Variants in ADAMDEC1 observed in about 807,000 individuals in gnomAD.
ADAMDEC1 encodes ADAM like decysin 1.
ADAMDEC1 carries 62 observed loss-of-function variants against 60.4 expected under a neutral mutation model. The ratio of observed to expected loss-of-function variants is 1.03; its 90% CI spans 0.84 to 1.27. ADAMDEC1 has a LOEUF of 1.27. Among genes scored for constraint, ADAMDEC1 ranks in the 50% most tolerant of loss-of-function variants. ADAMDEC1 has a pLI of 0.00. For missense variants in ADAMDEC1, 595 were observed against 565.0 expected (o/e 1.05, Z -0.54); for synonymous variants, 210 against 195.1 (o/e 1.08, Z -0.64).
intron 10 of ADAMDEC1, among the ~76,000 whole-genome samples, chr8:24,399,681 A>G (rs1252247662): frequency 6.6e-6 from 1 of 152,174 alleles, no homozygotes; most frequent in Non-Finnish European, 1.5e-5. Flanking sequence ...AACGTGCCAT[A>G]TCATTCTTTA....
intron 8 of ADAMDEC1, 106 bp downstream of exon 8, chr8:24,398,657 A>C (rs1440313451): frequency 2.9e-6 from 3 of 1,017,276 alleles, no homozygotes; most frequent in Non-Finnish European, 4.4e-6. Flanking sequence ...CAAATGTCTT[A>C]AGTTAAATAG....
chr8:24,384,645 G>T, intron 1 of ADAMDEC1, 53 bp downstream of exon 1: 2 of 1,483,482 alleles, frequency 1.3e-6, no homozygotes, highest in Non-Finnish European at 9.2e-7. Context: ...TTTGATGAAT[G>T]TTTAAAGTGC....
chr8:24,399,873 G>C lies in ADAMDEC1; in HGVS notation c.1012-297G>C, dbSNP rs368196033. On this transcript the variant is annotated intron_variant, in intron 10 of 13. Transcript: ENST00000256412. ...AGTGTCATAGGTATCATAGCAATAG[G>C]TTTTGGAGACCTCCGATATGGTGCC... Among the ~76,000 whole-genome samples, 7 of 152,246 alleles carry C rather than the reference G, an allele frequency of 4.6e-5. No individual in the cohort carries two copies. In the East Asian group the frequency reaches 1.4e-3, roughly 29 times the overall value.
In ADAMDEC1 at chr8:24,405,455, G is replaced by T; in HGVS notation, c.*157G>T. On this transcript the variant is annotated 3_prime_UTR_variant, in exon 14 of 14. Transcript: ENST00000256412. ...CAGTCCAGGAAACAGGTAAACAGAT[G>T]TAATTAGAGACATTGGCTCTTTGTT... The T allele has an allele frequency of 2.9e-6, 2 of 693,904 alleles. No individual in the cohort carries two copies. Among genetic ancestry groups the T allele is most frequent in the East Asian group, 6.1e-5 (2 of 32,934 alleles). 43.0% of individuals were successfully genotyped at this position (693,904 alleles called of 1,614,324 possible).
chr8:24,397,771 C>G (rs558384804), intron 7 of ADAMDEC1, 26 bp downstream of exon 7: 1 of 1,604,118 alleles, frequency 6.2e-7, no homozygotes, highest in African/African-American at 1.3e-5. Context: ...ACGGCCCTCT[C>G]GGCCAGTTCA....
intron 10 of ADAMDEC1, 108 bp downstream of exon 10, chr8:24,399,582 C>A: frequency 2.0e-6 from 2 of 977,194 alleles, no homozygotes; most frequent in South Asian, 2.6e-5. Context: ...ATCAATGAAT[C>A]AAGGAAGAAA....
At chr8:24,399,957 T>TA (rs1463089017) in intron 10 of ADAMDEC1, among the ~76,000 whole-genome samples, 1 of 152,210 alleles carries the variant, frequency 6.6e-6, no homozygotes, top group Non-Finnish European at 1.5e-5. Context: ...GGTAACTTAG[T>TA]ATCCATTAGT....
Position 24,392,344 on chromosome 8 carries a change from G to A in ADAMDEC1, c.171G>A (p.Glu57=), listed in dbSNP as rs557827290. The part of the protein sequence containing the change: ...PKKLHILHKR[E]IKNNQTEKHG... The stretch of plus-strand genomic sequence containing the variant: ...AACTTCACATTTTACACAAAAGAGA[G>A]ATCAAGAACAACCAGACAGAAAAGC... The change falls in exon 2 of 14, where the codon GAG becomes GAA. Residue 57 remains glutamate, a synonymous_variant. Transcript: ENST00000256412. 5.6e-6 allele frequency: 9 copies of A among 1,612,074 alleles called. No individual in the cohort carries two copies. In the South Asian group the frequency reaches 7.7e-5, roughly 14 times the overall value.
intron 1 of ADAMDEC1, among the ~76,000 whole-genome samples, chr8:24,389,238 TC>T (rs920786818): frequency 2.6e-5 from 4 of 152,126 alleles, no homozygotes; most frequent in African/African-American, 9.7e-5. Context: ...CCAGAACCTT[TC>T]CCACATATCT....
intron 2 of ADAMDEC1, among the ~76,000 whole-genome samples, chr8:24,392,886 G>GTT (rs34415946): frequency 0.11 from 5,485 of 49,378 alleles, 1,040 homozygotes; most frequent in Non-Finnish European, 0.17. Context: ...GGGTTGAGAG[G>GTT]TTTTTTTTTT....
chr8:24,397,219 T>G, intron 5 of ADAMDEC1, 51 bp from the exon 6 acceptor site: 1 of 1,524,904 alleles, frequency 6.6e-7, no homozygotes, highest in Non-Finnish European at 8.9e-7. Context: ...TGGAAGCAAA[T>G]ATGACACTGT....
intron 1 of ADAMDEC1, among the ~76,000 whole-genome samples, chr8:24,385,049 A>T (rs142480724): frequency 6.6e-6 from 1 of 152,282 alleles, no homozygotes; most frequent in African/African-American, 2.4e-5. Flanking sequence ...GGTCAAAATG[A>T]CTAGTTCTGG....
At chr8:24,391,555 G>A (rs11782767) in intron 1 of ADAMDEC1, among the ~76,000 whole-genome samples, 9,305 of 151,856 alleles carry the variant, frequency 0.061, 397 homozygotes, top group Middle Eastern at 0.095. Flanking sequence ...TCTATGCAAT[G>A]TAATTTCAAG....
chr8:24,398,799 C>T, intron 8 of ADAMDEC1, 75 bp from the exon 9 acceptor site: 1 of 1,441,728 alleles, frequency 6.9e-7, no homozygotes, highest in Non-Finnish European at 9.6e-7. Flanking sequence ...TTATCTATTA[C>T]TTGTGGTCAA....
intron 1 of ADAMDEC1, among the ~76,000 whole-genome samples, chr8:24,388,926 C>A (rs145772229): frequency 6.6e-6 from 1 of 152,232 alleles, no homozygotes; most frequent in East Asian, 1.9e-4. Flanking sequence ...GGTGACAAGA[C>A]AAGACAGATG....
At chr8:24,400,731 G>A (rs1817742663) in intron 11 of ADAMDEC1, among the ~76,000 whole-genome samples, 1 of 151,128 alleles carries the variant, frequency 6.6e-6, no homozygotes, top group African/African-American at 2.4e-5. Flanking sequence ...TTGGTGTGCT[G>A]CACCCATTAA....
chr8:24,396,641 T>C (rs1432161076), intron 5 of ADAMDEC1, among the ~76,000 whole-genome samples: 1 of 152,156 alleles, frequency 6.6e-6, no homozygotes, highest in African/African-American at 2.4e-5. Context: ...TTTCACAGCA[T>C]TGAAATAAAA....
chr8:24,400,550 G>C (rs1240222721), intron 11 of ADAMDEC1, among the ~76,000 whole-genome samples: 1 of 151,564 alleles, frequency 6.6e-6, no homozygotes, highest in Non-Finnish European at 1.5e-5. Context: ...GTAATCTGCT[G>C]ATATATGTTT....
intron 12 of ADAMDEC1, 111 bp downstream of exon 12, chr8:24,402,203 A>G: frequency 1.0e-6 from 1 of 996,856 alleles, no homozygotes; most frequent in South Asian, 1.8e-5. Flanking sequence ...GTAGTTAAAA[A>G]GGAGATTTGT....
Sources: allele counts gnomAD v4.1 joint callset (sites outside exome capture counted in the v4.1 genomes callset), GRCh38; gene constraint gnomAD v4.1.1; transcripts MANE v1.5; gene names NCBI Gene and HGNC (gene_info 2026-07-23, HGNC 2026-07-21).